The following FCER1A variants were observed in gnomAD, a reference collection of about 807,000 sequenced individuals.
The protein encoded by FCER1A is high affinity immunoglobulin epsilon receptor subunit alpha.
FCER1A carries 24 observed loss-of-function variants against 23.6 expected under a neutral mutation model. The observed-to-expected ratio is 1.02, with a 90% CI of 0.74 to 1.43. The LOEUF is 1.43. Ranked by LOEUF, FCER1A falls within the 40% of genes most tolerant of loss-of-function variation. The pLI is 0.00. For missense variants in FCER1A, 318 were observed against 294.5 expected, an observed-to-expected ratio of 1.08 and a Z score of -0.58; for synonymous variants, 121 against 108.8, an observed-to-expected ratio of 1.11 and a Z score of -0.70.
intron 1 of FCER1A, among the ~76,000 whole-genome samples, chr1:159,294,168 T>C (rs1652236287): frequency 6.6e-6 from 1 of 152,216 alleles, no homozygotes; most frequent in African/African-American, 2.4e-5. Flanking sequence ...TGGCCATTCC[T>C]CAGGGATCTA....
chr1:159,300,046 A>G (rs149021761), upstream of FCER1A, among the ~76,000 whole-genome samples: 241 of 151,920 alleles, frequency 1.6e-3, 1 homozygote, highest in African/African-American at 5.6e-3. Flanking sequence ...CTTTTATTGG[A>G]CTGCTACATT....
At chr1:159,298,379 G>T (rs1652349765), upstream of FCER1A, among the ~76,000 whole-genome samples, 1 of 152,166 alleles carries the variant, frequency 6.6e-6, no homozygotes, top group African/African-American at 2.4e-5. Flanking sequence ...ATGGCTTGGT[G>T]CCTTCCCCAT....
chr1:159,307,142 A>T (rs1652640044), intron 4 of FCER1A, among the ~76,000 whole-genome samples: 1 of 152,204 alleles, frequency 6.6e-6, no homozygotes, highest in African/African-American at 2.4e-5. Flanking sequence ...CGTATTTTTC[A>T]TAGGTCTTTC....
In FCER1A at chr1:159,307,845, G is replaced by T; in HGVS notation, c.687G>T (p.Gln229His). 6.2e-7 allele frequency: 1 copy of T among 1,613,478 alleles called. No individual in the cohort carries two copies. Among genetic ancestry groups the T allele is most frequent in the South Asian group, 1.1e-5 (1 of 91,020 alleles). ...GATTATTTATCTCAACTCAGCAGCAGGTCACATTTCTCTTGAAGATTAAGA... is the reference window on the plus strand; with the variant it reads ...GATTATTTATCTCAACTCAGCAGCATGTCACATTTCTCTTGAAGATTAAGA... ...DTGLFISTQQ[Q>H]VTFLLKIKRT... Residue 229 changes from glutamine (Q) to histidine (H), a missense_variant, in exon 5 of 5, where the codon CAG becomes CAT. Physicochemically the swap from Gln to His is conservative, Grantham distance 24. Transcript: ENST00000693622.
chr1:159,292,091 G>A (rs751763388), intron 1 of FCER1A, among the ~76,000 whole-genome samples: 2 of 152,066 alleles, frequency 1.3e-5, no homozygotes, highest in African/African-American at 4.8e-5. Context: ...ATTTCCTAGA[G>A]TTCTGCTCTG....
At chr1:159,286,493 C>T (rs993737082), upstream of FCER1A, among the ~76,000 whole-genome samples, 22 of 151,924 alleles carry the variant, frequency 1.4e-4, no homozygotes, top group African/African-American at 4.1e-4. Context: ...CCACCACGCC[C>T]GGCTAATTTT....
chr1:159,297,480 A>T (rs997970853), upstream of FCER1A, among the ~76,000 whole-genome samples: 2 of 152,168 alleles, frequency 1.3e-5, no homozygotes, highest in African/African-American at 4.8e-5. Flanking sequence ...CATGAAAACT[A>T]GTATATGTTC....
In FCER1A at chr1:159,302,746, G is replaced by C. The variant is rs531574535; in HGVS notation, c.56-108G>C. The C allele has an allele frequency of 6.4e-5, 63 of 982,688 alleles. 1 individual carries two copies. In the South Asian group the frequency reaches 8.1e-4, roughly 13 times the overall value. The allele number at this position is 982,688 out of a possible 1,614,324, so 60.9% of individuals were successfully genotyped here. ...ATTCTGATTCCTGAAAAGACGGTTG[G>C]TCCTTAAAATTCCATGGATGTAGAT... On this transcript the variant is annotated intron_variant, in intron 1 of 4. Transcript: ENST00000693622.
At chr1:159,290,221 G>A (rs898003202) in intron 1 of FCER1A, among the ~76,000 whole-genome samples, 5 of 152,118 alleles carry the variant, frequency 3.3e-5, no homozygotes, top group Non-Finnish European at 7.4e-5. Flanking sequence ...CCCTCACCCA[G>A]AGAGTGTCCC....
chr1:159,300,591 C>T (rs186846742), upstream of FCER1A, among the ~76,000 whole-genome samples: 8 of 152,160 alleles, frequency 5.3e-5, no homozygotes, highest in South Asian at 2.1e-4. Flanking sequence ...ATTGAGATTG[C>T]GTAGATATAT....
upstream of FCER1A, among the ~76,000 whole-genome samples, chr1:159,298,156 G>A (rs758971692): frequency 4.6e-5 from 7 of 152,018 alleles, no homozygotes; most frequent in Admixed American, 6.6e-5. Flanking sequence ...ATGCTTCATC[G>A]GCAAAGTGTG....
chr1:159,306,322 C>A, intron 4 of FCER1A, 77 bp downstream of exon 4: 1 of 1,455,262 alleles, frequency 6.9e-7, no homozygotes, highest in Admixed American at 2.0e-5. Flanking sequence ...GCAGTTGCAG[C>A]TTGTAGAAGG....
the FCER1A span, among the ~76,000 whole-genome samples, chr1:159,284,111 C>T: frequency 6.6e-6 from 1 of 152,160 alleles, no homozygotes. Flanking sequence ...TATTGGAGAG[C>T]AGCTAGCTTC....
intron 4 of FCER1A, among the ~76,000 whole-genome samples, chr1:159,307,398 C>T (rs1228297983): frequency 1.3e-5 from 2 of 152,156 alleles, no homozygotes; most frequent in Admixed American, 6.5e-5. Flanking sequence ...GCATTGATGA[C>T]CCCTGTCCTC....
chr1:159,284,003 G>C, the FCER1A span, among the ~76,000 whole-genome samples: 35 of 152,272 alleles, frequency 2.3e-4, no homozygotes, highest in South Asian at 3.1e-3. Flanking sequence ...GGGATTGTTG[G>C]AGTGTAGAAA....
chr1:159,307,726 T>C, intron 4 of FCER1A, 22 bp from the exon 5 acceptor site: 8 of 1,544,008 alleles, frequency 5.2e-6, no homozygotes, highest in Non-Finnish European at 7.1e-6. Context: ...ATGTTTCTCA[T>C]TGCATCTGTG....
At chr1:159,286,660 A>G (rs1175524816), upstream of FCER1A, among the ~76,000 whole-genome samples, 1 of 152,172 alleles carries the variant, frequency 6.6e-6, no homozygotes, top group Non-Finnish European at 1.5e-5. Context: ...GAGTTGCAAA[A>G]CGGTGCTTTC....
At chr1:159,286,620 T>C (rs61828216), upstream of FCER1A, among the ~76,000 whole-genome samples, 19,728 of 152,126 alleles carry the variant, frequency 0.13, 1,566 homozygotes, top group Admixed American at 0.17. Flanking sequence ...GCGTAAGCCA[T>C]CGTGCCCGGC....
At chr1:159,306,382 C>T in intron 4 of FCER1A, 137 bp downstream of exon 4, 1 of 723,472 alleles carries the variant, frequency 1.4e-6, no homozygotes, top group Non-Finnish European at 2.2e-6. Context: ...AATGAGGAGA[C>T]CTGGGTGATA....
Sources: allele counts gnomAD v4.1 joint callset (sites outside exome capture counted in the v4.1 genomes callset), GRCh38; gene constraint gnomAD v4.1.1; transcripts MANE v1.5; gene names NCBI Gene and HGNC (gene_info 2026-07-23, HGNC 2026-07-21).